Variants in PDZD2 observed in about 807,000 individuals in gnomAD.
PDZD2 encodes PDZ domain-containing protein 2.
PDZD2 carries 90 observed loss-of-function variants against 220.7 expected under a neutral mutation model. The observed-to-expected ratio is 0.41, with a 90% CI of 0.34 to 0.49. The LOEUF (loss-of-function observed/expected upper bound fraction) is 0.49. Ranked by LOEUF, PDZD2 falls within the 20% of genes least tolerant of loss-of-function variation. PDZD2 has a pLI of 0.28. For missense variants in PDZD2, 3,174 were observed against 3,608.5 expected, an observed-to-expected ratio of 0.88 and a Z score of 3.08; for synonymous variants, 1,375 against 1,450.5, an observed-to-expected ratio of 0.95 and a Z score of 1.18.
At chr5:31,686,729 C>G (rs551037803) in intron 1 of PDZD2, among the ~76,000 whole-genome samples, 1 of 152,192 alleles carries the variant, frequency 6.6e-6, no homozygotes, top group Non-Finnish European at 1.5e-5. Context: ...TGTATCAAAT[C>G]TTTTACAATA....
chr5:31,650,369 T>C (rs1380363501), intron 1 of PDZD2, among the ~76,000 whole-genome samples: 1 of 152,212 alleles, frequency 6.6e-6, no homozygotes, highest in Non-Finnish European at 1.5e-5. Context: ...TCTCTCTGTC[T>C]ACTAAGCCCC....
At chr5:32,041,909 A>C (rs1756189396) in intron 7 of PDZD2, among the ~76,000 whole-genome samples, 1 of 15,198 alleles carries the variant, frequency 6.6e-5, no homozygotes. Flanking sequence ...AAAAGAAAGC[A>C]AAAAAAAAAA....
chr5:31,771,760 G>A (rs1752350640), intron 1 of PDZD2, among the ~76,000 whole-genome samples: 1 of 152,184 alleles, frequency 6.6e-6, no homozygotes, highest in Non-Finnish European at 1.5e-5. Context: ...GATTGGGTGT[G>A]GTTAGTAAAG....
chr5:31,903,155 G>A (rs548439995), intron 2 of PDZD2, among the ~76,000 whole-genome samples: 6 of 151,782 alleles, frequency 4.0e-5, no homozygotes, highest in Non-Finnish European at 5.9e-5. Context: ...TTAGCCGGGC[G>A]TGGTACTGCA....
intron 1 of PDZD2, among the ~76,000 whole-genome samples, chr5:31,788,022 C>T (rs76277503): frequency 0.056 from 8,560 of 152,198 alleles, 320 homozygotes; most frequent in Non-Finnish European, 0.088. Context: ...AATTCTCTGC[C>T]TCATACGCAC....
intron 14 of PDZD2, among the ~76,000 whole-genome samples, chr5:32,063,810 G>T (rs1739922099): frequency 6.6e-6 from 1 of 152,188 alleles, no homozygotes; most frequent in Admixed American, 6.5e-5. Context: ...ATTGTGGACG[G>T]AATCAATAGC....
chr5:31,796,564 A>G (rs1754037723), intron 1 of PDZD2, among the ~76,000 whole-genome samples: 1 of 152,046 alleles, frequency 6.6e-6, no homozygotes, highest in African/African-American at 2.4e-5. Context: ...TCGGGGAAGA[A>G]CCCTGATTGT....
intron 7 of PDZD2, among the ~76,000 whole-genome samples, chr5:32,044,453 T>A (rs1737732311): frequency 6.6e-6 from 1 of 152,008 alleles, no homozygotes; most frequent in Non-Finnish European, 1.5e-5. Context: ...TCTGTCTGGA[T>A]CTCAAGGATG....
At chr5:31,853,823 C>T (rs895600791) in intron 2 of PDZD2, among the ~76,000 whole-genome samples, 1 of 152,100 alleles carries the variant, frequency 6.6e-6, no homozygotes, top group Admixed American at 6.6e-5. Flanking sequence ...GAGTGTGTGC[C>T]TGCCTGTGCA....
Position 31,717,314 on chromosome 5 carries a change from T to C in PDZD2, c.-361+77877T>C, listed in dbSNP as rs548988298. Among the ~76,000 whole-genome samples, 26 of 152,238 alleles carry C rather than the reference T, an allele frequency of 1.7e-4. No individual in the cohort carries two copies. The South Asian group carries it at 2.5e-3, about 15-fold the overall frequency. On this transcript the variant is annotated intron_variant, in intron 1 of 24. Transcript: ENST00000438447. ...GCTTCAAACTTGTGACTGGAATACA[T>C]AGATGTGCCTAAATCGCTGTCTCTG...
intron 2 of PDZD2, among the ~76,000 whole-genome samples, chr5:31,840,017 C>A (rs1386122803): frequency 1.3e-5 from 2 of 152,076 alleles, no homozygotes; most frequent in Non-Finnish European, 2.9e-5. Flanking sequence ...CAGTCCCAGG[C>A]AGTTCTTTAA....
chr5:32,043,829 G>A (rs943657781), intron 7 of PDZD2, among the ~76,000 whole-genome samples: 10 of 151,966 alleles, frequency 6.6e-5, no homozygotes, highest in South Asian at 2.1e-4. Context: ...GTTTCACTGC[G>A]TTGGCCAGGC....
intron 2 of PDZD2, among the ~76,000 whole-genome samples, chr5:31,880,128 T>C (rs1268985106): frequency 6.6e-6 from 1 of 152,088 alleles, no homozygotes; most frequent in Non-Finnish European, 1.5e-5. Context: ...TTCACCATGT[T>C]GGCCAAGCTG....
At chr5:32,101,313 C>A in intron 24 of PDZD2, 74 bp downstream of exon 24, 2 of 1,360,380 alleles carry the variant, frequency 1.5e-6, no homozygotes, top group Non-Finnish European at 2.0e-6. Flanking sequence ...GAAAAAAATG[C>A]CTTCCATTTA....
intron 2 of PDZD2, among the ~76,000 whole-genome samples, chr5:31,976,879 G>T (rs536198088): frequency 6.6e-6 from 1 of 151,426 alleles, no homozygotes; most frequent in East Asian, 1.9e-4. Flanking sequence ...TACCACGCCC[G>T]GCTAATTTTT....
chr5:32,053,995 C>A, intron 10 of PDZD2, 112 bp downstream of exon 10: 1 of 668,440 alleles, frequency 1.5e-6, no homozygotes, highest in Non-Finnish European at 2.7e-6. Context: ...TCGGCGGAAT[C>A]TGCCTGGCAT....
At chr5:32,050,273 A>G (rs942050850) in intron 8 of PDZD2, among the ~76,000 whole-genome samples, 1 of 152,156 alleles carries the variant, frequency 6.6e-6, no homozygotes, top group African/African-American at 2.4e-5. Context: ...TACAGCCATC[A>G]TGGCCACAGA....
intron 5 of PDZD2, among the ~76,000 whole-genome samples, chr5:32,002,704 AACAC>A (rs1214948544): frequency 9.2e-6 from 1 of 108,964 alleles, no homozygotes; most frequent in Non-Finnish European, 1.9e-5. Flanking sequence ...ACACACCACC[AACAC>A]ACACACCCCA....
chr5:31,689,452 C>T lies in PDZD2; in HGVS notation c.-361+50015C>T, dbSNP rs1211648595. On this transcript the variant is annotated intron_variant, in intron 1 of 24. Transcript: ENST00000438447. ...TCAGGAGATCTGCCCGCCTTGGCCT[C>T]CAAAGTGCTGAGATTACAGGTGTGA... 4.7e-5 allele frequency among the ~76,000 whole-genome samples: 7 copies of T among 148,592 alleles called. No individual in the cohort carries two copies. In the South Asian group the frequency reaches 1.3e-3, roughly 27 times the overall value.
Sources: allele counts gnomAD v4.1 joint callset (sites outside exome capture counted in the v4.1 genomes callset), GRCh38; gene constraint gnomAD v4.1.1; transcripts MANE v1.5; gene names NCBI Gene and HGNC (gene_info 2026-07-23, HGNC 2026-07-21).